The following CNTNAP2 variants were observed in gnomAD, a reference collection of about 807,000 sequenced individuals.
The protein encoded by CNTNAP2 is contactin-associated protein-like 2.
CNTNAP2 carries 98 observed loss-of-function variants against 155.2 expected under a neutral mutation model. The observed-to-expected ratio is 0.63, with a 90% CI of 0.54 to 0.75. The LOEUF is 0.75. CNTNAP2 is among the 30% of genes least tolerant of loss of function. The pLI is 0.00. For synonymous variants in CNTNAP2, 651 were observed against 631.2 expected, an observed-to-expected ratio of 1.03 and a Z score of -0.47; for missense variants, 1,727 against 1,688.1, an observed-to-expected ratio of 1.02 and a Z score of -0.40.
intron 1 of CNTNAP2, among the ~76,000 whole-genome samples, chr7:146,504,734 T>C (rs1797356552): frequency 6.6e-6 from 1 of 151,676 alleles, no homozygotes; most frequent in Non-Finnish European, 1.5e-5. Flanking sequence ...CTAAGGAATG[T>C]GGAAATAACT....
chr7:147,679,517 G>C (rs778395542), intron 13 of CNTNAP2, among the ~76,000 whole-genome samples: 104 of 151,970 alleles, frequency 6.8e-4, no homozygotes, highest in African/African-American at 1.9e-3. Flanking sequence ...ATATGGCCAC[G>C]TTGTAAATGT....
At chr7:148,260,591 C>T (rs1018313598) in intron 20 of CNTNAP2, among the ~76,000 whole-genome samples, 1 of 152,122 alleles carries the variant, frequency 6.6e-6, no homozygotes, top group South Asian at 2.1e-4. Flanking sequence ...AAACCACAGT[C>T]GGTTAAAATG....
intron 14 of CNTNAP2, chr7:147,939,893 T>A (rs1369631056): frequency 6.6e-6 from 1 of 151,954 alleles, no homozygotes; most frequent in Non-Finnish European, 1.5e-5. Context: ...GGTCTGAGAG[T>A]TGTTCAGTTT....
intron 1 of CNTNAP2, among the ~76,000 whole-genome samples, chr7:146,152,956 CACA>C (rs1798073323): frequency 6.6e-6 from 1 of 152,092 alleles, no homozygotes; most frequent in Non-Finnish European, 1.5e-5. Context: ...CACAACTTTA[CACA>C]ACAAATTTGA....
At chr7:148,323,583 T>C (rs1797838031) in intron 21 of CNTNAP2, among the ~76,000 whole-genome samples, 1 of 152,152 alleles carries the variant, frequency 6.6e-6, no homozygotes, top group Non-Finnish European at 1.5e-5. Context: ...TGTCCATAGA[T>C]GAATCATCCC....
chr7:146,151,369 C>A (rs1366492533), intron 1 of CNTNAP2, among the ~76,000 whole-genome samples: 3 of 151,472 alleles, frequency 2.0e-5, no homozygotes, highest in African/African-American at 7.3e-5. Flanking sequence ...AACCTTGTAC[C>A]CTTTAATCAA....
In CNTNAP2 at chr7:146,194,563, C is replaced by A. The variant is rs59344551; in HGVS notation, c.97+77590C>A. On this transcript the variant is annotated intron_variant, in intron 1 of 23. Transcript: ENST00000361727. ...CTTGGGAATTATGGGAGCTACAATT[C>A]AAGATGATATTTGGGTGGGAACACA... 5.2e-3 allele frequency among the ~76,000 whole-genome samples: 794 copies of A among 152,268 alleles called. 6 individuals carry two copies. Among genetic ancestry groups the A allele is most frequent in the African/African-American group, 0.018 (752 of 41,550 alleles).
At chr7:147,591,388 C>G (rs1800731387) in intron 12 of CNTNAP2, among the ~76,000 whole-genome samples, 1 of 152,132 alleles carries the variant, frequency 6.6e-6, no homozygotes, top group South Asian at 2.1e-4. Flanking sequence ...GTGAAGACAT[C>G]AGTTGGATTA....
rs71527881 is a variant in CNTNAP2, at chr7:148,142,093, CTGTGTGTGTGTG to C, written c.2555-5368_2555-5357del. Among the ~76,000 whole-genome samples the C allele has an allele frequency of 6.1e-4, 83 of 136,328 alleles. 1 individual carries two copies. The highest frequency in any genetic ancestry group is 1.8e-3 in the African/African-American group (65 of 35,146). The allele number at this position is 136,328 out of a possible 152,430, so 89.4% of individuals were successfully genotyped here. On this transcript the variant is annotated intron_variant, in intron 16 of 23. Transcript: ENST00000361727. ...GGTTGTTAAGAGTAGAGATATGTCT[CTGTGTGTGTGTG>C]TGTGTGTGTGTGTGTGTGTGTGTGT...
At chr7:147,644,983 T>G (rs974143616) in intron 13 of CNTNAP2, among the ~76,000 whole-genome samples, 1 of 152,132 alleles carries the variant, frequency 6.6e-6, no homozygotes, top group Non-Finnish European at 1.5e-5. Flanking sequence ...GTGTTTTTCC[T>G]CTTTTAATTT....
intron 1 of CNTNAP2, among the ~76,000 whole-genome samples, chr7:146,394,612 G>C (rs1397169344): frequency 6.6e-6 from 1 of 151,994 alleles, no homozygotes; most frequent in East Asian, 1.9e-4. Flanking sequence ...TTTAAATAAA[G>C]TTTACTTGCT....
intron 8 of CNTNAP2, among the ~76,000 whole-genome samples, chr7:147,235,229 G>A (rs904402144): frequency 6.6e-6 from 1 of 151,920 alleles, no homozygotes; most frequent in Non-Finnish European, 1.5e-5. Flanking sequence ...TTAAACTATA[G>A]GCTTTCCTGG....
At chr7:147,507,550 CTTTTTTTT>C (rs3052511) in intron 11 of CNTNAP2, among the ~76,000 whole-genome samples, 2 of 82,024 alleles carry the variant, frequency 2.4e-5, no homozygotes. Flanking sequence ...CTCTTTCTTT[CTTTTTTTT>C]TTTTTTTTTT....
At chr7:146,945,902 A>G (rs931007344) in intron 3 of CNTNAP2, among the ~76,000 whole-genome samples, 1 of 152,100 alleles carries the variant, frequency 6.6e-6, no homozygotes, top group Admixed American at 6.6e-5. Context: ...CAATCATCAC[A>G]ACACTAAAAC....
At chr7:148,253,044 A>AGATAGATAGAT (rs1554408036) in intron 20 of CNTNAP2, among the ~76,000 whole-genome samples, 1 of 116,426 alleles carries the variant, frequency 8.6e-6, no homozygotes, top group South Asian at 3.6e-4. Flanking sequence ...ATAGATAGAT[A>AGATAGATAGAT]GATAGACAGA....
intron 20 of CNTNAP2, among the ~76,000 whole-genome samples, chr7:148,264,028 T>C (rs1796622914): frequency 6.6e-6 from 1 of 152,112 alleles, no homozygotes; most frequent in Non-Finnish European, 1.5e-5. Context: ...ACTTTAAAAG[T>C]TGCATTAACA....
intron 13 of CNTNAP2, among the ~76,000 whole-genome samples, chr7:147,749,769 ATC>A (rs1797105206): frequency 6.6e-6 from 1 of 152,188 alleles, no homozygotes. Context: ...AATGAAGTAA[ATC>A]TCTGCTTATT....
chr7:146,926,110 A>G (rs191155791), intron 3 of CNTNAP2, among the ~76,000 whole-genome samples: 3 of 152,152 alleles, frequency 2.0e-5, no homozygotes, highest in African/African-American at 7.2e-5. Flanking sequence ...ACTGTGGTAC[A>G]TGGCCTTTGG....
chr7:146,510,956 G>A (rs1797456655), intron 1 of CNTNAP2, among the ~76,000 whole-genome samples: 1 of 152,094 alleles, frequency 6.6e-6, no homozygotes, highest in South Asian at 2.1e-4. Flanking sequence ...GAGTGCAGTG[G>A]CCTGATCTCG....
Sources: allele counts gnomAD v4.1 joint callset (sites outside exome capture counted in the v4.1 genomes callset), GRCh38; gene constraint gnomAD v4.1.1; transcripts MANE v1.5; gene names NCBI Gene and HGNC (gene_info 2026-07-23, HGNC 2026-07-21).